TG: variants seen among roughly 807,000 people sequenced by gnomAD.
The protein encoded by TG is thyroglobulin.
TG carries 270 observed loss-of-function variants against 324.7 expected under a neutral mutation model. The observed-to-expected ratio is 0.83, with a 90% CI of 0.75 to 0.92. The LOEUF (loss-of-function observed/expected upper bound fraction) is 0.92, where lower values mean the gene tolerates loss of function less well. Ranked by LOEUF, TG falls within the 40% of genes least tolerant of loss-of-function variation. The pLI is 0.00. For missense variants in TG, 3,591 were observed against 3,456.4 expected (o/e 1.04, Z -0.98); for synonymous variants, 1,401 against 1,327.0 (o/e 1.06, Z -1.21).
intron 37 of TG, among the ~76,000 whole-genome samples, chr8:133,015,160 G>A (rs1350335746): frequency 1.3e-5 from 2 of 152,168 alleles, no homozygotes; most frequent in Non-Finnish European, 2.9e-5. Flanking sequence ...GATTTTAATA[G>A]TATATTTCAC....
chr8:132,956,165 C>T (rs1826830046), intron 27 of TG, among the ~76,000 whole-genome samples: 1 of 152,200 alleles, frequency 6.6e-6, no homozygotes, highest in Non-Finnish European at 1.5e-5. Flanking sequence ...GGTCAGAAGT[C>T]TGTTTAGAAA....
In TG at chr8:132,875,947, ACTCAGGTTT is replaced by A. The variant is rs1312572014; in HGVS notation, c.638+2729_638+2737del. On this transcript the variant is annotated intron_variant, in intron 5 of 47. Transcript: ENST00000220616. ...CCATATAGAGGGCCTAAGCTTAGCG[ACTCAGGTTT>A]CTAGGTAAAATACGAGACAGCAAGT... Among the ~76,000 whole-genome samples, 5 of 152,094 alleles carry A rather than the reference ACTCAGGTTT, an allele frequency of 3.3e-5. No individual in the cohort carries two copies. In the East Asian group the frequency reaches 9.7e-4, roughly 29 times the overall value.
chr8:132,898,993 A>T, intron 14 of TG, 83 bp downstream of exon 14: 14 of 1,223,306 alleles, frequency 1.1e-5, no homozygotes, highest in Non-Finnish European at 1.5e-5. Flanking sequence ...CAATACGTTC[A>T]GCTTAGTTAA....
chr8:132,992,952 T>G (rs1832516448), intron 35 of TG, among the ~76,000 whole-genome samples: 1 of 152,202 alleles, frequency 6.6e-6, no homozygotes. Flanking sequence ...TTTATCTGTC[T>G]CATTTACTGC....
intron 14 of TG, among the ~76,000 whole-genome samples, chr8:132,899,645 T>C (rs1422544269): frequency 6.6e-6 from 1 of 152,230 alleles, no homozygotes; most frequent in Admixed American, 6.5e-5. Context: ...CACTATTGTT[T>C]AGTTTTTTAA....
Position 133,029,962 on chromosome 8 carries a change from G to T in TG, c.7178G>T (p.Ser2393Ile). ...AADRGGADVA[S>I]IHLLTARATN... Reference sequence around the variant, plus strand: ...GACCGTGGCGGGGCTGATGTGGCCAGCATCCACCTTCTCACGGCCAGGGCC... The same window carrying T: ...GACCGTGGCGGGGCTGATGTGGCCATCATCCACCTTCTCACGGCCAGGGCC... Residue 2393 changes from serine to isoleucine, a missense_variant, in exon 41 of 48, where the codon AGC (serine) becomes ATC (isoleucine). Physicochemically the swap from Ser to Ile is moderately radical, Grantham distance 142. Coordinates refer to ENST00000220616, the MANE Select transcript of TG (RefSeq NM_003235.5). 6.2e-7 allele frequency: 1 copy of T among 1,614,230 alleles called. No homozygotes were observed. The highest frequency in any genetic ancestry group is 8.5e-7 in the Non-Finnish European group (1 of 1,180,042).
At chr8:133,121,784 C>G (rs895526492) in intron 45 of TG, among the ~76,000 whole-genome samples, 1 of 152,174 alleles carries the variant, frequency 6.6e-6, no homozygotes, top group Non-Finnish European at 1.5e-5. Context: ...GTATTCTGTT[C>G]TTCTTGGCCA....
chr8:133,084,447 T>A (rs1369831952), intron 41 of TG, among the ~76,000 whole-genome samples: 1 of 152,166 alleles, frequency 6.6e-6, no homozygotes, highest in Non-Finnish European at 1.5e-5. Context: ...TAAATTCTCT[T>A]TGAAATAAGA....
At chr8:133,039,999 T>G (rs1192693353) in intron 41 of TG, 1 of 1,550,356 alleles carries the variant, frequency 6.5e-7, no homozygotes, top group South Asian at 1.2e-5. Flanking sequence ...CATACTCACC[T>G]GGACACTCTC....
chr8:132,915,261 C>T (rs1820128548), intron 20 of TG, among the ~76,000 whole-genome samples: 1 of 152,170 alleles, frequency 6.6e-6, no homozygotes, highest in Non-Finnish European at 1.5e-5. Flanking sequence ...AAAGGGAAGG[C>T]AGAGAACCTG....
chr8:132,946,565 A>G (rs1400654765), intron 26 of TG, among the ~76,000 whole-genome samples: 1 of 152,146 alleles, frequency 6.6e-6, no homozygotes, highest in Non-Finnish European at 1.5e-5. Flanking sequence ...CAGTCTGGAA[A>G]GTCATTTAGC....
chr8:133,095,809 G>A (rs1049422315), intron 42 of TG, among the ~76,000 whole-genome samples: 2 of 152,200 alleles, frequency 1.3e-5, no homozygotes, highest in Non-Finnish European at 2.9e-5. Context: ...ATTGGAGCAG[G>A]TCTTATTCTC....
chr8:133,100,981 A>G (rs1252975952), intron 43 of TG, among the ~76,000 whole-genome samples: 1 of 152,142 alleles, frequency 6.6e-6, no homozygotes, highest in Non-Finnish European at 1.5e-5. Flanking sequence ...TGGGAAAGAA[A>G]GGCTTAGTGA....
At chr8:133,107,319 G>A (rs938236050) in intron 43 of TG, among the ~76,000 whole-genome samples, 13 of 152,122 alleles carry the variant, frequency 8.5e-5, no homozygotes, top group Admixed American at 4.6e-4. Context: ...TCAGTCCCTC[G>A]GTGTTTCCAA....
In TG at chr8:133,134,832, G is replaced by T. The variant is rs759528154; in HGVS notation, c.*38G>T. 6.6e-7 allele frequency: 1 copy of T among 1,522,168 alleles called. No individual in the cohort carries two copies. The highest frequency in any genetic ancestry group is 1.4e-5 in the African/African-American group (1 of 73,052). The allele number at this position is 1,522,168 out of a possible 1,614,324, so 94.3% of individuals were successfully genotyped here. The stretch of plus-strand genomic sequence containing the variant: ...CTCCCCAAAAACCTCACCCGAGGCT[G>T]CCCACTATGGTCATCTTTTTCTCTA... On this transcript the variant is annotated 3_prime_UTR_variant, in exon 48 of 48. Transcript: ENST00000220616.
intron 40 of TG, 53 bp downstream of exon 40, chr8:133,022,203 C>T: frequency 1.2e-6 from 2 of 1,609,882 alleles, no homozygotes; most frequent in Middle Eastern, 1.9e-4. Context: ...AAGGCTCAGC[C>T]CCTTTTCCCC....
At chr8:133,093,140 T>TTTTC (rs1491568058) in intron 41 of TG, among the ~76,000 whole-genome samples, 14 of 77,990 alleles carry the variant, frequency 1.8e-4, no homozygotes, top group East Asian at 8.0e-4. Flanking sequence ...TTTTCTTTTC[T>TTTTC]TTTTTTTTTT....
intron 45 of TG, among the ~76,000 whole-genome samples, chr8:133,121,625 A>G (rs1197525410): frequency 2.0e-5 from 3 of 152,232 alleles, no homozygotes; most frequent in African/African-American, 7.2e-5. Context: ...CTTGAGTCTT[A>G]TCAGCTCAGT....
chr8:133,045,691 G>A (rs553952605), intron 41 of TG, among the ~76,000 whole-genome samples: 1 of 152,216 alleles, frequency 6.6e-6, no homozygotes, highest in Non-Finnish European at 1.5e-5. Flanking sequence ...TACCATGCCG[G>A]GCCTCATCCT....
Sources: allele counts gnomAD v4.1 joint callset (sites outside exome capture counted in the v4.1 genomes callset), GRCh38; gene constraint gnomAD v4.1.1; transcripts MANE v1.5; gene names NCBI Gene and HGNC (gene_info 2026-07-23, HGNC 2026-07-21).